EXOC1: variants seen among roughly 807,000 people sequenced by gnomAD.
EXOC1 encodes SEC3-like 1.
EXOC1 carries 67 observed loss-of-function variants against 107.7 expected under a neutral mutation model. That is an observed-to-expected ratio of 0.62 (90% CI 0.51 to 0.76). The LOEUF is 0.76. Among genes scored for constraint, EXOC1 ranks in the 30% least tolerant of loss-of-function variants. The pLI, the probability that EXOC1 is intolerant of heterozygous loss-of-function variation, is 0.00. For synonymous variants in EXOC1, 348 were observed against 353.5 expected (o/e 0.98, Z 0.17); for missense variants, 833 against 1,055.7 (o/e 0.79, Z 2.92).
At chr4:55,875,877 C>A (rs2110344414) in intron 8 of EXOC1, 2 of 902,350 alleles carry the variant, frequency 2.2e-6, no homozygotes, top group Non-Finnish European at 2.7e-6. Flanking sequence ...GCAACCTGGG[C>A]AGCATAGTAA....
In EXOC1 at chr4:55,878,067, G is replaced by T. The variant is rs1251904970; in HGVS notation, c.1224+1G>T. On this transcript the variant is annotated splice_donor_variant, in intron 9 of 18. Transcript: ENST00000381295. LOFTEE classifies it high-confidence loss of function. ...TGGAAAATATGAAGGACTAACAAAG[G>T]TATGGATTTGACGTCATTTACTCAC... 3 of 1,612,038 alleles carry T rather than the reference G, an allele frequency of 1.9e-6. No individual in the cohort carries two copies. The highest frequency in any genetic ancestry group is 2.2e-5 in the East Asian group (1 of 44,814).
At position 55,871,456 on chromosome 4, in the gene EXOC1, T is replaced by C. The variant is rs566255267; in HGVS notation, c.964+223T>C. Among the ~76,000 whole-genome samples the C allele has an allele frequency of 6.6e-5, 10 of 152,290 alleles. No homozygotes were observed. In the South Asian group the frequency reaches 1.9e-3, roughly 28 times the overall value. ...TCCTCAATGACTATAGTCAACACCA[T>C]GATCTTTATTTAGTACTATCCACAG... is the stretch of plus-strand genomic sequence containing the variant. On this transcript the variant is annotated intron_variant, in intron 7 of 18. Transcript: ENST00000381295.
intron 3 of EXOC1, among the ~76,000 whole-genome samples, chr4:55,862,582 T>C (rs1721579701): frequency 2.0e-5 from 3 of 152,162 alleles, no homozygotes; most frequent in Admixed American, 2.0e-4. Context: ...ACCTTTTCAT[T>C]GTATATGCAG....
chr4:55,875,238 C>G (rs1722782804), intron 8 of EXOC1, among the ~76,000 whole-genome samples: 1 of 152,086 alleles, frequency 6.6e-6, no homozygotes, highest in Admixed American at 6.5e-5. Flanking sequence ...CATTCAATTT[C>G]TTTTACAAAA....
chr4:55,881,152 A>AT (rs1428175396), intron 9 of EXOC1, among the ~76,000 whole-genome samples: 1 of 152,148 alleles, frequency 6.6e-6, no homozygotes, highest in African/African-American at 2.4e-5. Context: ...GCAAAGCCCC[A>AT]TTTTTTGGTA....
chr4:55,867,094 A>G (rs1247010089), intron 4 of EXOC1, among the ~76,000 whole-genome samples: 3 of 152,230 alleles, frequency 2.0e-5, no homozygotes, highest in Non-Finnish European at 4.4e-5. Context: ...AGTTAATTAT[A>G]ATCATGTAAA....
chr4:55,857,293 C>T (rs555950755), intron 1 of EXOC1, among the ~76,000 whole-genome samples: 83 of 146,468 alleles, frequency 5.7e-4, no homozygotes, highest in Non-Finnish European at 1.1e-3. Context: ...ATTCTCCTGC[C>T]TCAGCCTCTC....
At chr4:55,899,578 CTTAA>C (rs1725655562) in intron 16 of EXOC1, 103 bp from the exon 17 acceptor site, 1 of 973,568 alleles carries the variant, frequency 1.0e-6, no homozygotes, top group Admixed American at 2.6e-5. Flanking sequence ...CAGAAATGTG[CTTAA>C]TTCTTAAACT....
chr4:55,895,674 G>T (rs1279224309), intron 15 of EXOC1, among the ~76,000 whole-genome samples: 1 of 152,170 alleles, frequency 6.6e-6, no homozygotes, highest in Non-Finnish European at 1.5e-5. Context: ...TTCCTACTGA[G>T]TAGATTTAGA....
At chr4:55,862,235 C>T (rs1721546963) in intron 3 of EXOC1, among the ~76,000 whole-genome samples, 1 of 152,000 alleles carries the variant, frequency 6.6e-6, no homozygotes, top group Non-Finnish European at 1.5e-5. Flanking sequence ...ACCCTGTTGA[C>T]TTGCATAATT....
chr4:55,877,834 AT>A (rs1298887828), intron 8 of EXOC1, 82 bp from the exon 9 acceptor site: 11 of 1,558,330 alleles, frequency 7.1e-6, no homozygotes, highest in Non-Finnish European at 8.7e-6. Flanking sequence ...GCTTGGCCAC[AT>A]TTTGGTCATT....
At chr4:55,892,002 C>T (rs1724615371) in intron 13 of EXOC1, among the ~76,000 whole-genome samples, 1 of 152,060 alleles carries the variant, frequency 6.6e-6, no homozygotes, top group African/African-American at 2.4e-5. Context: ...GAGAGAGTTT[C>T]TTGAGTATTT....
intron 10 of EXOC1, among the ~76,000 whole-genome samples, chr4:55,887,282 C>A (rs1490229055): frequency 6.6e-6 from 1 of 152,018 alleles, no homozygotes; most frequent in East Asian, 1.9e-4. Flanking sequence ...TGTTTCTCCG[C>A]TAAACTAGGA....
chr4:55,871,803 A>G, intron 7 of EXOC1, 46 bp from the exon 8 acceptor site: 3 of 1,543,024 alleles, frequency 1.9e-6, no homozygotes, highest in Non-Finnish European at 2.7e-6. Flanking sequence ...CATCAAGGAA[A>G]TCTTTTTACC....
chr4:55,886,345 G>A (rs1723872823), intron 10 of EXOC1, among the ~76,000 whole-genome samples: 2 of 151,968 alleles, frequency 1.3e-5, no homozygotes, highest in Non-Finnish European at 2.9e-5. Context: ...TTGAGCCCTG[G>A]AGGTCGAGAC....
At position 55,871,859 on chromosome 4, in the gene EXOC1, G is replaced by T; in HGVS notation, c.975G>T (p.Leu325Phe). The T allele has an allele frequency of 6.2e-7, 1 of 1,613,702 alleles. No homozygotes were observed. The highest frequency in any genetic ancestry group is 8.5e-7 in the Non-Finnish European group (1 of 1,179,768). Residue 325 changes from leucine to phenylalanine, a missense_variant, in exon 8 of 19, where the codon TTG (leucine) becomes TTT (phenylalanine). Coordinates refer to ENST00000381295, the MANE Select transcript of EXOC1 (RefSeq NM_001024924.2). The stretch of plus-strand genomic sequence containing the variant: ...GTCGTTCTGTGTCAGGCCATGACTT[G>T]CTTCTGGCAGTCAAACAGCAACAGC... ...MNVALRPGHD[L>F]LLAVKQQQQR...
chr4:55,868,643 T>A, intron 5 of EXOC1, 120 bp downstream of exon 5: 2 of 747,526 alleles, frequency 2.7e-6, no homozygotes, highest in Non-Finnish European at 4.1e-6. Context: ...CATCTTTATC[T>A]ATAAGCACAT....
intron 1 of EXOC1, among the ~76,000 whole-genome samples, chr4:55,857,168 C>CTTTTTTTTTTTT (rs71192052): frequency 3.3e-4 from 22 of 65,762 alleles, no homozygotes; most frequent in South Asian, 6.6e-4. Flanking sequence ...TCCTTTTTTT[C>CTTTTTTTTTTTT]TTTTTTTTTT....
intron 11 of EXOC1, 52 bp from the exon 12 acceptor site, chr4:55,890,171 T>G (rs947571201): frequency 4.5e-6 from 7 of 1,564,530 alleles, no homozygotes; most frequent in Non-Finnish European, 6.2e-6. Context: ...CTTTATACTT[T>G]GGATCATTTA....
Sources: gnomAD v4.1 joint callset for allele counts (sites outside exome capture counted in the v4.1 genomes callset) on GRCh38, gnomAD v4.1.1 for gene constraint, MANE v1.5 for transcripts, NCBI Gene and HGNC (gene_info 2026-07-23, HGNC 2026-07-21) for gene names.